ZNF470: variants seen among roughly 807,000 people sequenced by gnomAD.
ZNF470 encodes zinc finger protein 470.
A neutral mutation model predicts 13.9 loss-of-function variants in ZNF470; 13 were observed. The observed-to-expected ratio is 0.94, with a 90% CI of 0.61 to 1.49. The LOEUF (loss-of-function observed/expected upper bound fraction) is 1.49, where lower values mean the gene tolerates loss of function less well. Among genes scored for constraint, ZNF470 ranks in the 40% most tolerant of loss-of-function variants. ZNF470 has a pLI of 0.00. For missense variants in ZNF470, 929 were observed against 857.3 expected (o/e 1.08, Z -1.04); for synonymous variants, 293 against 282.9 (o/e 1.04, Z -0.36).
chr19:56,571,014 A>G (rs898321870), intron 3 of ZNF470, among the ~76,000 whole-genome samples: 2 of 152,170 alleles, frequency 1.3e-5, no homozygotes, highest in Non-Finnish European at 2.9e-5. Context: ...CATCCTACTC[A>G]CTGCTGAGGG....
rs201323866 is a variant in ZNF470, at chr19:56,577,635, T to C, written c.1206T>C (p.Cys402=). The change falls in exon 6 of 6, where the codon TGT becomes TGC. Residue 402 remains cysteine, a synonymous_variant. Coordinates refer to ENST00000330619, the MANE Select transcript of ZNF470 (RefSeq NM_001001668.4). ...AGAAACCCTTTGACTGTATTGATTGTGGGAAGGCTTTCACTGATCACATAG... is the reference window on the plus strand; with the variant it reads ...AGAAACCCTTTGACTGTATTGATTGCGGGAAGGCTTTCACTGATCACATAG... ...TGEKPFDCID[C]GKAFTDHIGL... 6.2e-7 allele frequency: 1 copy of C among 1,613,984 alleles called. No individual in the cohort carries two copies. Among genetic ancestry groups the C allele is most frequent in the Non-Finnish European group, 8.5e-7 (1 of 1,179,974 alleles).
rs2044507867 is a variant in ZNF470, at chr19:56,578,245, G to A, written c.1816G>A (p.Ala606Thr). Residue 606 changes from alanine (A) to threonine (T), a missense_variant, in exon 6 of 6, where the codon GCA becomes ACA. By Grantham distance (58) the Ala-to-Thr change is moderately conservative. Coordinates refer to ENST00000330619, the MANE Select transcript of ZNF470 (RefSeq NM_001001668.4). ...LECGKAFRQRASLICHQRCHT... is the reference protein window; with the variant it reads ...LECGKAFRQRTSLICHQRCHT... ...ATGTGGGAAGGCATTCAGGCAGAGG[G>A]CATCCTTGATTTGTCATCAGAGATG... 4 of 1,613,578 alleles carry A rather than the reference G, an allele frequency of 2.5e-6. No individual in the cohort carries two copies. Among genetic ancestry groups the A allele is most frequent in the Non-Finnish European group, 3.4e-6 (4 of 1,179,834 alleles).
At chr19:56,572,185 C>G (rs893472656) in intron 3 of ZNF470, among the ~76,000 whole-genome samples, 2 of 148,078 alleles carry the variant, frequency 1.4e-5, no homozygotes, top group African/African-American at 5.1e-5. Context: ...CCTGGAACAG[C>G]AATCTGAGGT....
At position 56,574,343 on chromosome 19, in the gene ZNF470, G is replaced by A. The variant is rs191563458; in HGVS notation, c.61-51G>A. On this transcript the variant is annotated intron_variant, in intron 3 of 5. Coordinates refer to ENST00000330619, the MANE Select transcript of ZNF470 (RefSeq NM_001001668.4). ...CAGCATAACTCTTTACCCTAGAGCT[G>A]CATTGGAATGTGAACACTGAGTGAG... The A allele has an allele frequency of 8.7e-4, 1,398 of 1,612,150 alleles. 6 individuals are homozygous for A. The highest frequency in any genetic ancestry group is 5.5e-3 in the African/African-American group (412 of 74,970).
At chr19:56,569,282 C>G (rs1372634740) in intron 2 of ZNF470, among the ~76,000 whole-genome samples, 1 of 152,116 alleles carries the variant, frequency 6.6e-6, no homozygotes, top group African/African-American at 2.4e-5. Context: ...TAGTTTGTCA[C>G]AAAACAAAAT....
rs1275102245 is a variant in ZNF470, at chr19:56,578,753, A to C, written c.*170A>C. ...ACACTGTAGGCAGCCTAACCTTTTA[A>C]AAATAAAAATACATAATTTATGTTA... On this transcript the variant is annotated 3_prime_UTR_variant, in exon 6 of 6. Transcript: ENST00000330619. 1 of 1,248,560 alleles carries C rather than the reference A, an allele frequency of 8.0e-7. No homozygotes were observed. The highest frequency in any genetic ancestry group is 1.0e-6 in the Non-Finnish European group (1 of 994,534). 77.3% of individuals were successfully genotyped at this position (1,248,560 alleles called of 1,614,324 possible).
Position 56,577,934 on chromosome 19 carries a change from T to C in ZNF470, c.1505T>C (p.Ile502Thr), listed in dbSNP as rs1343509722. 26 of 1,613,836 alleles carry C rather than the reference T, an allele frequency of 1.6e-5. No individual in the cohort carries two copies. Among genetic ancestry groups the C allele is most frequent in the Non-Finnish European group, 2.0e-5 (24 of 1,179,992 alleles). The change falls in exon 6 of 6, where the codon ATT becomes ACT. Residue 502 changes from isoleucine (I) to threonine (T), a missense_variant. Ile to Thr is a moderately conservative substitution (Grantham distance 89). Coordinates refer to ENST00000330619, the MANE Select transcript of ZNF470 (RefSeq NM_001001668.4). ...ACGCATCTGGCTCATCATCAGAGAA[T>C]TCATACTGGAGAGAAACCTTATGAA... ...QSTHLAHHQR[I>T]HTGEKPYECK...
At chr19:56,570,141 A>G (rs2044440897) in intron 2 of ZNF470, 139 bp from the exon 3 acceptor site, 1 of 613,274 alleles carries the variant, frequency 1.6e-6, no homozygotes, top group Non-Finnish European at 2.9e-6. Context: ...CAAGTCTCCC[A>G]AAGAGCATCA....
Position 56,577,776 on chromosome 19 carries a change from A to C in ZNF470, c.1347A>C (p.Gly449=), listed in dbSNP as rs1319418418. The C allele has an allele frequency of 2.7e-5, 43 of 1,613,756 alleles. No homozygotes were observed. Among genetic ancestry groups the C allele is most frequent in the Non-Finnish European group, 3.5e-5 (41 of 1,179,934 alleles). Residue 449 remains glycine, a synonymous_variant, in exon 6 of 6, where the codon GGA becomes GGC. Transcript: ENST00000330619. ...CAGTACATCAGAGAATTCATACAGG[A>C]GAGAAACCTTATGAATGCAATATCT... ...SLTVHQRIHT[G]EKPYECNICE...
rs1398483108 is a variant in ZNF470, at chr19:56,576,860, T to C, written c.431T>C (p.Leu144Ser). The C allele has an allele frequency of 6.3e-7, 1 of 1,594,982 alleles. No homozygotes were observed. The highest frequency in any genetic ancestry group is 2.2e-5 in the East Asian group (1 of 44,738). ...TLGKNWKCED[L>S]FERELVNQKT... Reference sequence around the variant, plus strand: ...GGGAAAAACTGGAAATGTGAAGACTTGTTTGAGAGGGAGCTTGTAAACCAG... The same window carrying C: ...GGGAAAAACTGGAAATGTGAAGACTCGTTTGAGAGGGAGCTTGTAAACCAG... The change falls in exon 6 of 6, where the codon TTG becomes TCG. Residue 144 changes from leucine (L) to serine (S), a missense_variant. Physicochemically the swap from Leu to Ser is moderately radical, Grantham distance 145 (BLOSUM62 -2). Coordinates refer to ENST00000330619, the MANE Select transcript of ZNF470 (RefSeq NM_001001668.4).
chr19:56,578,921 C>G lies in ZNF470; in HGVS notation c.*338C>G. The G allele has an allele frequency of 9.8e-7, 1 of 1,024,702 alleles. No individual in the cohort carries two copies. The highest frequency in any genetic ancestry group is 5.4e-5 in the Admixed American group (1 of 18,484). 63.5% of individuals were successfully genotyped at this position (1,024,702 alleles called of 1,614,324 possible). A position where few individuals can be genotyped will look rare whatever the true frequency, so the allele number is the denominator to read the frequency against. On this transcript the variant is annotated 3_prime_UTR_variant, in exon 6 of 6. Coordinates refer to ENST00000330619, the MANE Select transcript of ZNF470 (RefSeq NM_001001668.4). ...CCTTACAAACTATCATATTAAGCAG[C>G]AAGTAAACCAAACAGTAAGTCTAAG...
rs914908258 is a variant in ZNF470, at chr19:56,578,952, G to A, written c.*369G>A. The A allele has an allele frequency of 1.0e-6, 1 of 1,001,102 alleles. No homozygotes were observed. Among genetic ancestry groups the A allele is most frequent in the Non-Finnish European group, 1.2e-6 (1 of 840,740 alleles). 62.0% of individuals were successfully genotyped at this position (1,001,102 alleles called of 1,614,324 possible). On this transcript the variant is annotated 3_prime_UTR_variant, in exon 6 of 6. Transcript: ENST00000330619. The stretch of plus-strand genomic sequence containing the variant: ...AACCAAACAGTAAGTCTAAGACTAA[G>A]ATTTTAGAGCAGACAGAAGACTACT...
rs1388572442 is a variant in ZNF470, at chr19:56,568,045, G to C, written c.-159+7G>C. The C allele has an allele frequency of 2.0e-6, 2 of 985,728 alleles. No homozygotes were observed. Among genetic ancestry groups the C allele is most frequent in the African/African-American group, 3.5e-5 (2 of 57,266 alleles). 61.1% of individuals were successfully genotyped at this position (985,728 alleles called of 1,614,324 possible). A position where few individuals can be genotyped will look rare whatever the true frequency, so the allele number is the denominator to read the frequency against. ...ATGGGGACTGAGTACACAGGTAAGAGTGACAGATGACGGATGTGGCTGCCG... is the reference window on the plus strand; with the variant it reads ...ATGGGGACTGAGTACACAGGTAAGACTGACAGATGACGGATGTGGCTGCCG... On this transcript the variant is annotated splice_region_variant and intron_variant, in intron 1 of 5. Transcript: ENST00000330619.
chr19:56,568,153 C>A (rs1322872824), intron 1 of ZNF470, 115 bp downstream of exon 1: 1 of 977,626 alleles, frequency 1.0e-6, no homozygotes, highest in Non-Finnish European at 1.2e-6. Flanking sequence ...GGCTAGTGGA[C>A]CTGGAAGTCG....
rs1311177768 is a variant in ZNF470, at chr19:56,570,350, A to C, written c.39A>C (p.Lys13Asn). The stretch of plus-strand genomic sequence containing the variant: ...AAGAGGTAGAGGTGGCAGGAATTAA[A>C]CTTTGTAAAGCCATGTCCCTGGTGA... ...SQEEVEVAGIKLCKAMSLGSV... is the reference protein window; with the variant it reads ...SQEEVEVAGINLCKAMSLGSV... The change falls in exon 3 of 6, where the codon AAA (lysine) becomes AAC (asparagine). Residue 13 changes from lysine (K) to asparagine (N), a missense_variant. Coordinates refer to ENST00000330619, the MANE Select transcript of ZNF470 (RefSeq NM_001001668.4). The C allele has an allele frequency of 6.2e-7, 1 of 1,614,114 alleles. No individual in the cohort carries two copies. Among genetic ancestry groups the C allele is most frequent in the Admixed American group, 1.7e-5 (1 of 60,016 alleles).
rs2044533327 is a variant in ZNF470 at position 56,581,248 on chromosome 19, A to G, written c.*2665A>G. On this transcript the variant is annotated 3_prime_UTR_variant, in exon 6 of 6. Coordinates refer to ENST00000330619, the MANE Select transcript of ZNF470 (RefSeq NM_001001668.4). Reference sequence around the variant, plus strand: ...GCAATAAAAGCAGTTAATGAAAATTATCCAATATCACTAGAAATCAAGAAA... The same window carrying G: ...GCAATAAAAGCAGTTAATGAAAATTGTCCAATATCACTAGAAATCAAGAAA... The G allele has an allele frequency of 1.6e-6, 1 of 615,092 alleles. No individual in the cohort carries two copies. The highest frequency in any genetic ancestry group is 6.3e-5 in the Admixed American group (1 of 15,780). The allele number at this position is 615,092 out of a possible 1,614,324, so 38.1% of individuals were successfully genotyped here. A position where few individuals can be genotyped will look rare whatever the true frequency, so the allele number is the denominator to read the frequency against.
rs1435043897 is a variant in ZNF470, at chr19:56,574,320, G to A, written c.61-74G>A. 7 of 1,606,002 alleles carry A rather than the reference G, an allele frequency of 4.4e-6. No individual in the cohort carries two copies. In the South Asian group the frequency reaches 4.4e-5, roughly 10 times the overall value. On this transcript the variant is annotated intron_variant, in intron 3 of 5. Transcript: ENST00000330619. ...TGTTTTTAATCCCAAAGTGAGAACA[G>A]CATAACTCTTTACCCTAGAGCTGCA...
intron 3 of ZNF470, among the ~76,000 whole-genome samples, chr19:56,572,574 T>TG (rs1400771714): frequency 6.8e-6 from 1 of 146,002 alleles, no homozygotes; most frequent in South Asian, 2.1e-4. Flanking sequence ...GCAGTCAGAT[T>TG]GGGGAAAAAG....
At position 56,577,092 on chromosome 19, in the gene ZNF470, C is replaced by G. The variant is rs936031962; in HGVS notation, c.663C>G (p.Asp221Glu). 3 of 1,606,608 alleles carry G rather than the reference C, an allele frequency of 1.9e-6. No homozygotes were observed. The highest frequency in any genetic ancestry group is 1.7e-6 in the Non-Finnish European group (2 of 1,177,928). ...THSVVKKHKQ[D>E]RGEKKLLKCN... ...CAGTTGTGAAAAAACACAAGCAAGA[C>G]CGTGGAGAAAAGAAACTTTTAAAAT... Residue 221 changes from aspartate (D) to glutamate (E), a missense_variant, in exon 6 of 6, where the codon GAC (aspartate) becomes GAG (glutamate). Coordinates refer to ENST00000330619, the MANE Select transcript of ZNF470 (RefSeq NM_001001668.4).
Sources: gnomAD v4.1 joint callset for allele counts (sites outside exome capture counted in the v4.1 genomes callset) on GRCh38, gnomAD v4.1.1 for gene constraint, MANE v1.5 for transcripts, NCBI Gene and HGNC (gene_info 2026-07-23, HGNC 2026-07-21) for gene names.